VAC14: variants seen among roughly 807,000 people sequenced by gnomAD.
VAC14 encodes protein VAC14 homolog.
In VAC14, 47 loss-of-function variants were observed where a neutral mutation model predicts 85.3. The ratio of observed to expected loss-of-function variants is 0.55; its 90% CI spans 0.44 to 0.70. The LOEUF (loss-of-function observed/expected upper bound fraction) is 0.70, where lower values mean the gene tolerates loss of function less well. VAC14 is among the 30% of genes least tolerant of loss of function. VAC14 has a pLI of 0.00. For missense variants in VAC14, 861 were observed against 1,004.3 expected (o/e 0.86, Z 1.93); for synonymous variants, 447 against 430.5 (o/e 1.04, Z -0.47).
chr16:70,774,673 T>G (rs931068108), intron 9 of VAC14, among the ~76,000 whole-genome samples: 7 of 152,096 alleles, frequency 4.6e-5, no homozygotes, highest in African/African-American at 1.7e-4. Flanking sequence ...GTCTCCCCTT[T>G]TCCTCCATTA....
chr16:70,769,623 G>A (rs1424433868), intron 10 of VAC14: 4 of 152,186 alleles, frequency 2.6e-5, no homozygotes, highest in African/African-American at 9.7e-5. Flanking sequence ...TTGGATTTTA[G>A]GTAGGATTTG....
intron 10 of VAC14, chr16:70,768,832 G>A (rs1028221765): frequency 6.2e-5 from 28 of 453,384 alleles, no homozygotes; most frequent in African/African-American, 3.4e-4. Flanking sequence ...ACAGAGTCTC[G>A]CTCTGTCACC....
intron 14 of VAC14, among the ~76,000 whole-genome samples, chr16:70,712,823 A>G (rs1312215703): frequency 6.6e-6 from 1 of 152,192 alleles, no homozygotes; most frequent in Admixed American, 6.5e-5. Flanking sequence ...AAAATAAAGT[A>G]TTGAGAATCC....
chr16:70,800,493 C>T (rs147691838), intron 1 of VAC14, among the ~76,000 whole-genome samples: 220 of 152,280 alleles, frequency 1.4e-3, no homozygotes, highest in African/African-American at 4.7e-3. Context: ...TGGGTGGCAC[C>T]GCACCGAAGA....
At chr16:70,795,883 G>T (rs543149995) in intron 1 of VAC14, among the ~76,000 whole-genome samples, 14 of 152,332 alleles carry the variant, frequency 9.2e-5, no homozygotes, top group African/African-American at 2.6e-4. Flanking sequence ...GTCTCTCCCA[G>T]CCAGCAGTGA....
chr16:70,691,804 G>A lies in VAC14; in HGVS notation c.2186+1017C>T, dbSNP rs112009880. On this transcript the variant is annotated intron_variant, in intron 18 of 18. Coordinates refer to ENST00000261776, the MANE Select transcript of VAC14 (RefSeq NM_018052.5). ...ATCCGAGGGCCAGTCTGGGTGGGAG[G>A]GGCAGTGGGAGCCGATGCCAGCGGT... The A allele has an allele frequency of 8.8e-4, 872 of 985,418 alleles. 4 individuals are homozygous for A. The highest frequency in any genetic ancestry group is 1.0e-3 in the Non-Finnish European group (850 of 829,934). The allele number at this position is 985,418 out of a possible 1,614,324, so 61.0% of individuals were successfully genotyped here.
intron 17 of VAC14, 141 bp from the exon 18 acceptor site, chr16:70,693,112 AC>A (rs2053632056): frequency 1.7e-6 from 2 of 1,181,634 alleles, no homozygotes; most frequent in Non-Finnish European, 2.3e-6. Context: ...AGCTGTGTGG[AC>A]CCAGCCAGGT....
chr16:70,753,789 T>C (rs1013884922), intron 12 of VAC14, among the ~76,000 whole-genome samples: 4 of 152,196 alleles, frequency 2.6e-5, no homozygotes, highest in African/African-American at 4.8e-5. Context: ...CTCTGCTGTG[T>C]GGCTTGAGCC....
intron 14 of VAC14, among the ~76,000 whole-genome samples, chr16:70,708,729 T>C (rs2053970159): frequency 6.6e-6 from 1 of 152,120 alleles, no homozygotes; most frequent in South Asian, 2.1e-4. Flanking sequence ...CGATGGGGTA[T>C]CTGCTGAGAT....
chr16:70,706,812 A>G (rs1184161554), intron 14 of VAC14, among the ~76,000 whole-genome samples: 1 of 152,116 alleles, frequency 6.6e-6, no homozygotes, highest in Non-Finnish European at 1.5e-5. Flanking sequence ...TCCTTTCTAC[A>G]TTGGATGCTG....
intron 13 of VAC14, among the ~76,000 whole-genome samples, chr16:70,733,650 G>A (rs1030350249): frequency 6.6e-6 from 1 of 151,854 alleles, no homozygotes; most frequent in East Asian, 1.9e-4. Flanking sequence ...TTACTCTCTT[G>A]CTCCTGCTTT....
At chr16:70,727,948 A>G (rs1192217023) in intron 14 of VAC14, among the ~76,000 whole-genome samples, 1 of 152,154 alleles carries the variant, frequency 6.6e-6, no homozygotes, top group Non-Finnish European at 1.5e-5. Flanking sequence ...CAGGATGCAC[A>G]TTGACAGGTG....
intron 13 of VAC14, among the ~76,000 whole-genome samples, chr16:70,738,027 C>A (rs934452404): frequency 6.6e-6 from 1 of 152,222 alleles, no homozygotes; most frequent in Non-Finnish European, 1.5e-5. Flanking sequence ...GGAGGCAGCA[C>A]CACCTTCTCC....
intron 14 of VAC14, among the ~76,000 whole-genome samples, chr16:70,724,060 T>C (rs1431597295): frequency 6.6e-6 from 1 of 152,218 alleles, no homozygotes; most frequent in Non-Finnish European, 1.5e-5. Context: ...CAAAGCCCAG[T>C]GGACCCCGCA....
At chr16:70,702,261 C>T (rs1179966144) in intron 14 of VAC14, among the ~76,000 whole-genome samples, 2 of 152,248 alleles carry the variant, frequency 1.3e-5, no homozygotes, top group Non-Finnish European at 2.9e-5. Context: ...ATCTTGCACT[C>T]TCTTGCTGGC....
At chr16:70,729,035 T>C (rs953152843) in intron 14 of VAC14, among the ~76,000 whole-genome samples, 8 of 152,172 alleles carry the variant, frequency 5.3e-5, no homozygotes, top group Non-Finnish European at 1.0e-4. Flanking sequence ...AGGTTAAGAA[T>C]CCATTTCTGT....
chr16:70,733,601 C>T (rs1427828110), intron 13 of VAC14, among the ~76,000 whole-genome samples: 1 of 152,026 alleles, frequency 6.6e-6, no homozygotes, highest in Non-Finnish European at 1.5e-5. Flanking sequence ...GCAAGTTCTG[C>T]TGAGATCTGG....
intron 13 of VAC14, among the ~76,000 whole-genome samples, chr16:70,734,898 C>T (rs186731711): frequency 2.0e-5 from 3 of 152,248 alleles, no homozygotes; most frequent in South Asian, 2.1e-4. Flanking sequence ...ACATAGCTGG[C>T]GAGTGCTAGA....
intron 14 of VAC14, chr16:70,699,486 C>A (rs533465745): frequency 6.6e-6 from 1 of 152,400 alleles, no homozygotes; most frequent in South Asian, 2.1e-4. Flanking sequence ...TGGGCCATGA[C>A]CCCTTTCCCA....
Sources: allele counts gnomAD v4.1 joint callset (sites outside exome capture counted in the v4.1 genomes callset), GRCh38; gene constraint gnomAD v4.1.1; transcripts MANE v1.5; gene names NCBI Gene and HGNC (gene_info 2026-07-23, HGNC 2026-07-21).